The following PTPN14 variants were observed in gnomAD, a reference collection of about 807,000 sequenced individuals.
PTPN14 encodes tyrosine-protein phosphatase non-receptor type 14.
A neutral mutation model predicts 126.8 loss-of-function variants in PTPN14; 53 were observed. The observed-to-expected ratio is 0.42, with a 90% CI of 0.34 to 0.53. PTPN14 has a LOEUF of 0.53. Among genes scored for constraint, PTPN14 ranks in the 20% least tolerant of loss-of-function variants. The pLI is 0.08. For missense variants in PTPN14, 1,257 were observed against 1,552.9 expected (o/e 0.81, Z 3.20); for synonymous variants, 630 against 599.3 (o/e 1.05, Z -0.75).
Position 214,357,959 on chromosome 1 carries a change from A to G in PTPN14, c.3527T>C (p.Val1176Ala), listed in dbSNP as rs1418794092. Residue 1176 changes from valine to alanine, a missense_variant, in exon 19 of 19, where the codon GTC (valine) becomes GCC (alanine). Transcript: ENST00000366956. ...TIAQYKFVYQ[V>A]LIQFLQNSRL... Reference sequence around the variant, plus strand: ...GGAGTTTTGGAGGAACTGGATGAGGACTTGGTAGACAAACTTGTACTGAGC... The same window carrying G: ...GGAGTTTTGGAGGAACTGGATGAGGGCTTGGTAGACAAACTTGTACTGAGC... 1 of 1,613,174 alleles carries G rather than the reference A, an allele frequency of 6.2e-7. No individual in the cohort carries two copies. Among genetic ancestry groups the G allele is most frequent in the East Asian group, 2.2e-5 (1 of 44,848 alleles).
chr1:214,483,122 A>G, intron 1 of PTPN14: 1 of 1,610,074 alleles, frequency 6.2e-7, no homozygotes. Flanking sequence ...TACTTGAATG[A>G]CATCTAAAAT....
intron 11 of PTPN14, among the ~76,000 whole-genome samples, chr1:214,387,927 T>C (rs1658660596): frequency 6.6e-6 from 1 of 151,832 alleles, no homozygotes; most frequent in African/African-American, 2.4e-5. Context: ...CAACAATGAG[T>C]GTGTAGCTGT....
At chr1:214,506,320 C>T (rs959654694) in intron 1 of PTPN14, among the ~76,000 whole-genome samples, 3 of 151,922 alleles carry the variant, frequency 2.0e-5, no homozygotes, top group African/African-American at 7.3e-5. Flanking sequence ...GATTGGGCAA[C>T]ACAGGAGGCC....
At position 214,395,096 on chromosome 1, in the gene PTPN14, T is replaced by C. The variant is rs377399431; in HGVS notation, c.759-110A>G. On this transcript the variant is annotated intron_variant, in intron 8 of 18. Transcript: ENST00000366956. ...AAGTCTCATTTAACAAACTATGATT[T>C]AACTATTTTTTAAGTGAAATGTTCT... 129 of 926,230 alleles carry C rather than the reference T, an allele frequency of 1.4e-4. 1 individual carries two copies. The African/African-American group carries it at 1.6e-3, about 11-fold the overall frequency. The allele number at this position is 926,230 out of a possible 1,614,324, so 57.4% of individuals were successfully genotyped here. A position where few individuals can be genotyped will look rare whatever the true frequency, so the allele number is the denominator to read the frequency against.
chr1:214,461,551 G>A (rs1660512893), intron 2 of PTPN14, among the ~76,000 whole-genome samples: 1 of 152,066 alleles, frequency 6.6e-6, no homozygotes, highest in Admixed American at 6.6e-5. Context: ...GATCACTTGA[G>A]CTCAGGAGGT....
At chr1:214,547,620 C>T (rs967152898) in intron 1 of PTPN14, among the ~76,000 whole-genome samples, 4 of 152,212 alleles carry the variant, frequency 2.6e-5, no homozygotes, top group Non-Finnish European at 5.9e-5. Flanking sequence ...TGCAAAGATA[C>T]AGCAGCTAGC....
chr1:214,403,375 C>T (rs1343139623), intron 5 of PTPN14, among the ~76,000 whole-genome samples: 1 of 152,190 alleles, frequency 6.6e-6, no homozygotes, highest in Non-Finnish European at 1.5e-5. Flanking sequence ...CTGTGCCAGG[C>T]CTTTCTGTAT....
rs796707007 is a variant in PTPN14 at position 214,551,367 on chromosome 1, G to A, written c.-339C>T. ...CGATCCCGGCGCGAGAGTCCGAGCA[G>A]AGGCGCACCGGGGGAGAAAAGGAGA... On this transcript the variant is annotated 5_prime_UTR_variant, in exon 1 of 19. Coordinates refer to ENST00000366956, the MANE Select transcript of PTPN14 (RefSeq NM_005401.5). 7.2e-5 allele frequency: 11 copies of A among 152,708 alleles called. No individual in the cohort carries two copies. Among genetic ancestry groups the A allele is most frequent in the African/African-American group, 1.9e-4 (8 of 41,594 alleles). The allele number at this position is 152,708 out of a possible 1,614,324, so 9.5% of individuals were successfully genotyped here. A position where few individuals can be genotyped will look rare whatever the true frequency, so the allele number is the denominator to read the frequency against.
chr1:214,467,731 T>A (rs2102656841), intron 1 of PTPN14, among the ~76,000 whole-genome samples: 1 of 152,348 alleles, frequency 6.6e-6, no homozygotes, highest in East Asian at 1.9e-4. Flanking sequence ...AAGTACATTA[T>A]CTACTGAAAA....
rs561825430 is a variant in PTPN14, at chr1:214,522,846, T to A, written c.-155+28337A>T. On this transcript the variant is annotated intron_variant, in intron 1 of 18. Transcript: ENST00000366956. Reference sequence around the variant, plus strand: ...TAAAAGACTTAATGTGGGCAACTCCTTGTTTAGGACGGCATAAAATTGCAG... The same window carrying A: ...TAAAAGACTTAATGTGGGCAACTCCATGTTTAGGACGGCATAAAATTGCAG... 5.3e-5 allele frequency among the ~76,000 whole-genome samples: 8 copies of A among 152,332 alleles called. No individual in the cohort carries two copies. The South Asian group carries it at 1.7e-3, about 32-fold the overall frequency.
At chr1:214,487,847 C>T (rs1661149744) in intron 1 of PTPN14, among the ~76,000 whole-genome samples, 1 of 152,122 alleles carries the variant, frequency 6.6e-6, no homozygotes, top group Non-Finnish European at 1.5e-5. Flanking sequence ...TAGATGCTGT[C>T]CATATGATCT....
intron 10 of PTPN14, among the ~76,000 whole-genome samples, chr1:214,391,608 G>C (rs933560445): frequency 6.6e-6 from 1 of 150,792 alleles, no homozygotes; most frequent in African/African-American, 2.4e-5. Context: ...AAATGAATTG[G>C]AAGTATTAGC....
At chr1:214,433,190 C>T (rs948843753) in intron 3 of PTPN14, among the ~76,000 whole-genome samples, 2 of 151,880 alleles carry the variant, frequency 1.3e-5, no homozygotes, top group East Asian at 1.9e-4. Context: ...GGTGTGAGCC[C>T]GGCCTCACTT....
intron 3 of PTPN14, among the ~76,000 whole-genome samples, chr1:214,426,201 G>T (rs879859564): frequency 1.3e-5 from 2 of 151,786 alleles, no homozygotes; most frequent in South Asian, 2.1e-4. Context: ...ATCAAATGTG[G>T]CAACAACTGC....
At chr1:214,520,065 A>AAAAAAAAAAATATATATAT in intron 1 of PTPN14, among the ~76,000 whole-genome samples, 1 of 71,142 alleles carries the variant, frequency 1.4e-5, no homozygotes, top group African/African-American at 7.3e-5. Flanking sequence ...AAAAAAAAAA[A>AAAAAAAAAAATATATATAT]ATATATATAT....
At position 214,418,445 on chromosome 1, in the gene PTPN14, G is replaced by T. The variant is rs552708473; in HGVS notation, c.345-3719C>A. On this transcript the variant is annotated intron_variant, in intron 3 of 18. Transcript: ENST00000366956. ...GGCAACTGTGTTGAGGGAGGAGAAT[G>T]ACTTGTCCAAGGTAATACTGCTTCC... Among the ~76,000 whole-genome samples the T allele has an allele frequency of 1.3e-3, 201 of 152,344 alleles. 4 individuals are homozygous for T. In the South Asian group the frequency reaches 0.04, roughly 30 times the overall value.
At chr1:214,445,813 G>T (rs1225530337) in intron 3 of PTPN14, among the ~76,000 whole-genome samples, 15 of 152,270 alleles carry the variant, frequency 9.9e-5, no homozygotes, top group African/African-American at 1.2e-4. Flanking sequence ...GTTTGAGTAA[G>T]AATTTATCCA....
chr1:214,410,609 C>T (rs61819564), intron 5 of PTPN14, among the ~76,000 whole-genome samples: 14,463 of 152,196 alleles, frequency 0.095, 904 homozygotes, highest in South Asian at 0.14. Flanking sequence ...GTCTTTAATA[C>T]ATTTTGAATT....
chr1:214,414,579 T>C (rs1659383172), intron 4 of PTPN14, 50 bp downstream of exon 4: 1 of 1,518,272 alleles, frequency 6.6e-7, no homozygotes, highest in Non-Finnish European at 9.1e-7. Flanking sequence ...AGCAACACCA[T>C]GATCAAACAG....
Sources: allele counts gnomAD v4.1 joint callset (sites outside exome capture counted in the v4.1 genomes callset), GRCh38; gene constraint gnomAD v4.1.1; transcripts MANE v1.5; gene names NCBI Gene and HGNC (gene_info 2026-07-23, HGNC 2026-07-21).